Variants in TIAM2 observed in about 807,000 individuals in gnomAD.
The protein encoded by TIAM2 is rho guanine nucleotide exchange factor TIAM2.
A neutral mutation model predicts 152.9 loss-of-function variants in TIAM2; 80 were observed. That is an observed-to-expected ratio of 0.52 (90% confidence interval 0.44 to 0.63). The LOEUF (loss-of-function observed/expected upper bound fraction) is 0.63. TIAM2 is among the 30% of genes least tolerant of loss of function. The pLI, the probability that TIAM2 is intolerant of heterozygous loss-of-function variation, is 0.00. For missense variants in TIAM2, 1,965 were observed against 2,120.1 expected, an observed-to-expected ratio of 0.93 and a Z score of 1.44; for synonymous variants, 804 against 838.0, an observed-to-expected ratio of 0.96 and a Z score of 0.70.
chr6:155,169,043 T>A, intron 9 of TIAM2: 2 of 828,072 alleles, frequency 2.4e-6, no homozygotes. Context: ...TTGCCCAGGC[T>A]GGAGTGCAGT....
intron 1 of TIAM2, among the ~76,000 whole-genome samples, chr6:155,084,051 G>T (rs1778128009): frequency 6.6e-6 from 1 of 152,210 alleles, no homozygotes; most frequent in African/African-American, 2.4e-5. Flanking sequence ...AGGAGTGTCA[G>T]AGAACTTACT....
intron 7 of TIAM2, among the ~76,000 whole-genome samples, chr6:155,150,786 T>G (rs771893866): frequency 2.0e-5 from 3 of 152,096 alleles, no homozygotes; most frequent in Non-Finnish European, 2.9e-5. Context: ...TAGCATGACA[T>G]GAGGAGCGAG....
intron 1 of TIAM2, among the ~76,000 whole-genome samples, chr6:155,011,056 AAATT>A (rs1778481026): frequency 6.6e-6 from 1 of 151,750 alleles, no homozygotes; most frequent in South Asian, 2.1e-4. Flanking sequence ...AAAAAAAAAA[AAATT>A]AAATTTAGGA....
chr6:155,125,430 A>C (rs761228800), intron 2 of TIAM2, among the ~76,000 whole-genome samples: 2 of 152,216 alleles, frequency 1.3e-5, no homozygotes, highest in African/African-American at 4.8e-5. Flanking sequence ...CTGTCGAAAA[A>C]CAGAAAATAA....
intron 1 of TIAM2, among the ~76,000 whole-genome samples, chr6:155,064,213 A>G (rs1407257106): frequency 1.3e-5 from 2 of 152,222 alleles, no homozygotes; most frequent in Non-Finnish European, 2.9e-5. Context: ...TTTGTTGATT[A>G]CCTACCAGAT....
chr6:155,108,828 C>A (rs1331028111), intron 2 of TIAM2, among the ~76,000 whole-genome samples: 4 of 151,928 alleles, frequency 2.6e-5, no homozygotes, highest in Middle Eastern at 6.3e-3. Context: ...CAGCTTCTTC[C>A]CACCAGAAGT....
chr6:155,051,893 G>C (rs187063236), intron 1 of TIAM2, among the ~76,000 whole-genome samples: 10 of 152,240 alleles, frequency 6.6e-5, no homozygotes, highest in African/African-American at 2.2e-4. Context: ...GCCCGTCTAG[G>C]CCTCCCAAAG....
intron 1 of TIAM2, among the ~76,000 whole-genome samples, chr6:155,083,070 G>A (rs918956235): frequency 2.0e-5 from 3 of 151,992 alleles, no homozygotes; most frequent in Admixed American, 6.6e-5. Flanking sequence ...AGGTGGGGCC[G>A]GGCACAGTGG....
chr6:155,148,041 C>T (rs1779857141), intron 6 of TIAM2, 69 bp from the exon 7 acceptor site: 2 of 1,517,144 alleles, frequency 1.3e-6, no homozygotes, highest in Non-Finnish European at 1.8e-6. Flanking sequence ...CTAAGCCCAG[C>T]CTGCCATTTT....
At chr6:155,189,458 C>T (rs1444940611) in intron 14 of TIAM2, among the ~76,000 whole-genome samples, 3 of 151,752 alleles carry the variant, frequency 2.0e-5, no homozygotes, top group Non-Finnish European at 2.9e-5. Context: ...TGCTGAAGAT[C>T]GGTTTCATTT....
At chr6:155,020,816 C>G (rs528989633) in intron 1 of TIAM2, among the ~76,000 whole-genome samples, 2 of 152,200 alleles carry the variant, frequency 1.3e-5, no homozygotes, top group South Asian at 2.1e-4. Flanking sequence ...TTGTGCAGCC[C>G]TCACCACTAT....
chr6:155,064,925 C>T lies in TIAM2; in HGVS notation c.-208-25364C>T, dbSNP rs1274537133. Among the ~76,000 whole-genome samples, 4 of 151,916 alleles carry T rather than the reference C, an allele frequency of 2.6e-5. No individual in the cohort carries two copies. In the East Asian group the frequency reaches 5.8e-4, roughly 22 times the overall value. ...TCTCCTCTTCCCCAGAGGAGGATAT[C>T]GGCAAAATTAAGTTTGTTCCTATAT... On this transcript the variant is annotated intron_variant, in intron 1 of 26. Transcript: ENST00000682666.
chr6:155,228,908 G>A (rs55829154), intron 15 of TIAM2, among the ~76,000 whole-genome samples: 15,576 of 152,218 alleles, frequency 0.1, 878 homozygotes, highest in African/African-American at 0.13. Context: ...TGACCATGGC[G>A]CTTCCTCTCT....
intron 1 of TIAM2, among the ~76,000 whole-genome samples, chr6:155,042,668 A>G (rs1408516722): frequency 6.6e-6 from 1 of 152,198 alleles, no homozygotes; most frequent in Non-Finnish European, 1.5e-5. Context: ...TGAAAATTGT[A>G]TATATTTTAT....
Position 155,211,228 on chromosome 6 carries a change from C to CTTGGGAT in TIAM2, c.3089_3090insTTGGGAT (p.Thr1031TrpfsTer31). ...GATTTCAGCAACGTCCCTGATATCA[C>CTTGGGAT]AACAGGTCTGAAAAGGAGTCAGACA... On this transcript the variant is annotated frameshift_variant, in exon 15 of 27. Coordinates refer to ENST00000682666, the MANE Select transcript of TIAM2 (RefSeq NM_012454.4). LOFTEE classifies it high-confidence loss of function. The CTTGGGAT allele has an allele frequency of 6.2e-7, 1 of 1,613,508 alleles. No individual in the cohort carries two copies.
rs1025753024 is a variant in TIAM2 at position 155,155,734 on chromosome 6, C to G, written c.2028+7400C>G. On this transcript the variant is annotated intron_variant, in intron 7 of 26. Coordinates refer to ENST00000682666, the MANE Select transcript of TIAM2 (RefSeq NM_012454.4). ...AGGCAATCTGCCCGCCTTGGCCTCC[C>G]AAAGTGTTGGGATTACAGGCATGAG... is the stretch of plus-strand genomic sequence containing the variant. 3.3e-5 allele frequency among the ~76,000 whole-genome samples: 5 copies of G among 152,240 alleles called. No homozygotes were observed. In the East Asian group the frequency reaches 5.8e-4, roughly 18 times the overall value.
intron 15 of TIAM2, among the ~76,000 whole-genome samples, chr6:155,226,745 A>G (rs933073918): frequency 2.0e-5 from 3 of 152,226 alleles, no homozygotes; most frequent in South Asian, 2.1e-4. Context: ...TTAAGAACTC[A>G]TAATTTGCCT....
intron 5 of TIAM2, among the ~76,000 whole-genome samples, chr6:155,142,118 G>A (rs928633276): frequency 5.9e-5 from 9 of 152,092 alleles, no homozygotes; most frequent in African/African-American, 2.2e-4. Context: ...GGGGCCCCCA[G>A]CACCGGGGTG....
chr6:155,122,889 T>C (rs1779204516), intron 2 of TIAM2, among the ~76,000 whole-genome samples: 1 of 151,974 alleles, frequency 6.6e-6, no homozygotes, highest in Admixed American at 6.6e-5. Flanking sequence ...ATGAAATCTG[T>C]TGTTTTTTAA....
Sources: gnomAD v4.1 joint callset for allele counts (sites outside exome capture counted in the v4.1 genomes callset) on GRCh38, gnomAD v4.1.1 for gene constraint, MANE v1.5 for transcripts, NCBI Gene and HGNC (gene_info 2026-07-23, HGNC 2026-07-21) for gene names.